SGCZ: variants seen among roughly 807,000 people sequenced by gnomAD.
The protein encoded by SGCZ is zeta-sarcoglycan.
Under a neutral mutation model 41.3 loss-of-function variants are expected in SGCZ, and 40 were observed. That is an observed-to-expected ratio of 0.97 (90% CI 0.75 to 1.26). SGCZ has a LOEUF of 1.26. Ranked by LOEUF, SGCZ falls within the 50% of genes most tolerant of loss-of-function variation. The probability of loss-of-function intolerance (pLI) is 0.00; values close to 1 mark genes in which losing one functional copy is unlikely to be tolerated. For missense variants in SGCZ, 552 were observed against 369.8 expected (o/e 1.49, Z -4.04); for synonymous variants, 206 against 137.5 (o/e 1.50, Z -3.49).
intron 1 of SGCZ, among the ~76,000 whole-genome samples, chr8:14,829,938 A>G (rs1802469825): frequency 6.6e-6 from 1 of 152,024 alleles, no homozygotes. Context: ...CAGCCTCCTG[A>G]GTAGCTGGGA....
chr8:15,188,323 GTTAC>G (rs1224801303), intron 1 of SGCZ, among the ~76,000 whole-genome samples: 1 of 152,026 alleles, frequency 6.6e-6, no homozygotes, highest in African/African-American at 2.4e-5. Context: ...TAGAACATCT[GTTAC>G]TTGAGGAATT....
In SGCZ at chr8:14,797,015, T is replaced by C. The variant is rs146304972; in HGVS notation, c.40-242089A>G. Among the ~76,000 whole-genome samples the C allele has an allele frequency of 5.3e-4, 81 of 152,292 alleles. No homozygotes were observed. In the East Asian group the frequency reaches 0.013, roughly 24 times the overall value. On this transcript the variant is annotated intron_variant, in intron 1 of 7. Coordinates refer to ENST00000382080, the MANE Select transcript of SGCZ (RefSeq NM_139167.4). ...CCACAAGTCAATTAAACCTCTTTTA[T>C]TTATAAATTACCCAGTCTCAGGTAT...
At chr8:14,128,326 G>A (rs1213750310) in intron 5 of SGCZ, among the ~76,000 whole-genome samples, 1 of 152,162 alleles carries the variant, frequency 6.6e-6, no homozygotes, top group Non-Finnish European at 1.5e-5. Flanking sequence ...CTGATTATCA[G>A]AGAAATGCAA....
chr8:14,561,185 C>T lies in SGCZ; in HGVS notation c.40-6259G>A, dbSNP rs146739470. The stretch of plus-strand genomic sequence containing the variant: ...AAACTATCCTCCATTTGAAACTTTA[C>T]AACTTTAGCTTTAAATGTTTAATAT... On this transcript the variant is annotated intron_variant, in intron 1 of 7. Coordinates refer to ENST00000382080, the MANE Select transcript of SGCZ (RefSeq NM_139167.4). 1.3e-3 allele frequency among the ~76,000 whole-genome samples: 191 copies of T among 152,230 alleles called. 1 individual carries two copies. Among genetic ancestry groups the T allele is most frequent in the African/African-American group, 3.8e-3 (156 of 41,562 alleles).
intron 1 of SGCZ, among the ~76,000 whole-genome samples, chr8:14,766,254 C>A (rs1439728944): frequency 6.6e-6 from 1 of 151,958 alleles, no homozygotes; most frequent in Non-Finnish European, 1.5e-5. Context: ...GGCATGGCCC[C>A]CAGCCAGATA....
chr8:15,004,896 A>T (rs1802547708), intron 1 of SGCZ, among the ~76,000 whole-genome samples: 1 of 137,536 alleles, frequency 7.3e-6, no homozygotes, highest in Admixed American at 7.4e-5. Flanking sequence ...GTTCAAATAC[A>T]GATTCTCACC....
chr8:14,501,810 G>T (rs903758384), intron 2 of SGCZ, among the ~76,000 whole-genome samples: 4 of 151,688 alleles, frequency 2.6e-5, no homozygotes, highest in Non-Finnish European at 5.9e-5. Context: ...TTAACCCAAA[G>T]ATAATTATAA....
intron 1 of SGCZ, among the ~76,000 whole-genome samples, chr8:15,010,410 T>C (rs1320680344): frequency 6.6e-6 from 1 of 152,246 alleles, no homozygotes; most frequent in African/African-American, 2.4e-5. Context: ...ATTATGTTAC[T>C]ATGTTTTCAT....
chr8:14,452,542 C>T (rs901535970), intron 2 of SGCZ, among the ~76,000 whole-genome samples: 1 of 151,814 alleles, frequency 6.6e-6, no homozygotes, highest in South Asian at 2.1e-4. Context: ...ACATCCTGGG[C>T]ATGCATATAC....
intron 1 of SGCZ, among the ~76,000 whole-genome samples, chr8:15,087,448 G>A (rs17655425): frequency 0.11 from 16,991 of 151,978 alleles, 1,526 homozygotes; most frequent in East Asian, 0.28. Context: ...CATCTCGAAC[G>A]CTGATTTCAT....
intron 1 of SGCZ, among the ~76,000 whole-genome samples, chr8:14,805,696 C>G (rs1801497375): frequency 6.6e-6 from 1 of 151,650 alleles, no homozygotes; most frequent in African/African-American, 2.4e-5. Context: ...CCAAGGATAC[C>G]CAGGAATTGA....
intron 1 of SGCZ, among the ~76,000 whole-genome samples, chr8:15,115,718 C>T (rs2116938881): frequency 6.6e-6 from 1 of 152,274 alleles, no homozygotes; most frequent in East Asian, 1.9e-4. Context: ...GCAAATGTCT[C>T]TTTAGGTCAT....
intron 1 of SGCZ, among the ~76,000 whole-genome samples, chr8:14,821,825 G>T (rs376348624): frequency 7.2e-5 from 11 of 151,804 alleles, no homozygotes; most frequent in African/African-American, 2.7e-4. Flanking sequence ...CACAATAAAG[G>T]CCATACGGGA....
chr8:14,326,991 CA>C (rs10709214), intron 2 of SGCZ, among the ~76,000 whole-genome samples: 30,440 of 149,522 alleles, frequency 0.2, 3,756 homozygotes, highest in Non-Finnish European at 0.29. Flanking sequence ...CTTAAAGTGG[CA>C]AAAAAAAATA....
At chr8:14,565,926 C>T (rs912257880) in intron 1 of SGCZ, among the ~76,000 whole-genome samples, 3 of 152,050 alleles carry the variant, frequency 2.0e-5, no homozygotes, top group Non-Finnish European at 4.4e-5. Flanking sequence ...AACTTCTTTA[C>T]ATTTTACCAG....
At chr8:15,106,670 T>A (rs2131091571) in intron 1 of SGCZ, among the ~76,000 whole-genome samples, 1 of 152,222 alleles carries the variant, frequency 6.6e-6, no homozygotes, top group South Asian at 2.1e-4. Context: ...ACATGTTTAG[T>A]GGATCACATA....
At chr8:14,883,776 G>GTTT (rs1233614779) in intron 1 of SGCZ, among the ~76,000 whole-genome samples, 300 of 85,776 alleles carry the variant, frequency 3.5e-3, no homozygotes, top group Middle Eastern at 0.01. Flanking sequence ...GCATCCTGTT[G>GTTT]TTTTTTTTTT....
At chr8:14,880,860 C>T (rs545797445) in intron 1 of SGCZ, among the ~76,000 whole-genome samples, 36 of 151,850 alleles carry the variant, frequency 2.4e-4, no homozygotes, top group South Asian at 8.3e-4. Flanking sequence ...ATGTAAATGA[C>T]GAGTTAATGG....
intron 1 of SGCZ, among the ~76,000 whole-genome samples, chr8:14,793,862 T>G (rs550743209): frequency 6.6e-6 from 1 of 152,132 alleles, no homozygotes; most frequent in Non-Finnish European, 1.5e-5. Context: ...ACCTGGAATA[T>G]CATATCAATA....
Sources: allele counts gnomAD v4.1 joint callset (sites outside exome capture counted in the v4.1 genomes callset), GRCh38; gene constraint gnomAD v4.1.1; transcripts MANE v1.5; gene names NCBI Gene and HGNC (gene_info 2026-07-23, HGNC 2026-07-21).